The following ZNF438 variants were observed in gnomAD, a reference collection of about 807,000 sequenced individuals.
The protein encoded by ZNF438 is zinc finger protein 438.
A neutral mutation model predicts 38.0 loss-of-function variants in ZNF438; 25 were observed. The ratio of observed to expected loss-of-function variants is 0.66; its 90% confidence interval spans 0.48 to 0.92. ZNF438 has a LOEUF of 0.92. ZNF438 is among the 40% of genes least tolerant of loss of function. The probability of loss-of-function intolerance (pLI) is 0.00; values close to 1 mark genes in which losing one functional copy is unlikely to be tolerated. For synonymous variants in ZNF438, 372 were observed against 364.1 expected, an observed-to-expected ratio of 1.02 and a Z score of -0.25; for missense variants, 1,007 against 999.6, an observed-to-expected ratio of 1.01 and a Z score of -0.10.
intron 2 of ZNF438, among the ~76,000 whole-genome samples, chr10:30,923,004 A>G (rs1386045265): frequency 2.6e-5 from 4 of 152,180 alleles, no homozygotes; most frequent in Non-Finnish European, 5.9e-5. Context: ...AGTCTTAGTT[A>G]AGCCTTTTTG....
At chr10:30,964,313 C>G (rs899187079) in intron 1 of ZNF438, among the ~76,000 whole-genome samples, 1 of 152,204 alleles carries the variant, frequency 6.6e-6, no homozygotes, top group Admixed American at 6.5e-5. Flanking sequence ...TGATCACTCT[C>G]TAATTCAAGT....
chr10:30,875,529 T>A (rs2133619287), intron 4 of ZNF438: 1 of 985,436 alleles, frequency 1.0e-6, no homozygotes, highest in East Asian at 1.1e-4. Context: ...AAAAAGGTAA[T>A]ACCAGCTAGG....
chr10:30,850,260 T>C, exon 5 of ZNF438: 4 of 1,614,208 alleles, frequency 2.5e-6, no homozygotes, highest in Non-Finnish European at 3.4e-6. Context: ...GGCAGCATTC[T>C]GGACGTTAGG....
At chr10:30,985,717 A>G (rs754314559) in intron 1 of ZNF438, among the ~76,000 whole-genome samples, 1 of 152,206 alleles carries the variant, frequency 6.6e-6, no homozygotes, top group Non-Finnish European at 1.5e-5. Flanking sequence ...AAGTTCTATG[A>G]AGTCACCATG....
intron 1 of ZNF438, among the ~76,000 whole-genome samples, chr10:31,015,500 C>G (rs912008739): frequency 6.6e-6 from 1 of 151,880 alleles, no homozygotes; most frequent in African/African-American, 2.4e-5. Context: ...AAAAATTAGC[C>G]GGACGTAGTG....
At chr10:30,892,947 C>T (rs3006596) in intron 3 of ZNF438, among the ~76,000 whole-genome samples, 53,547 of 152,090 alleles carry the variant, frequency 0.35, 11,049 homozygotes, top group African/African-American at 0.57. Flanking sequence ...TTAGATTGTT[C>T]TTAGCCTTCT....
Position 30,872,749 on chromosome 10 carries a change from C to CAAAA in ZNF438, c.37+4245_37+4248dup, listed in dbSNP as rs10633045. Among the ~76,000 whole-genome samples, 690 of 88,850 alleles carry CAAAA rather than the reference C, an allele frequency of 7.8e-3. 21 individuals are homozygous for CAAAA. Among genetic ancestry groups the CAAAA allele is most frequent in the African/African-American group, 0.026 (609 of 23,438 alleles). The allele number at this position is 88,850 out of a possible 152,430, so 58.3% of individuals were successfully genotyped here. A position where few individuals can be genotyped will look rare whatever the true frequency, so the allele number is the denominator to read the frequency against. ...TGGGTGACAGAGTGAGACTCTGTCT[C>CAAAA]AAAAAAAAAAAAAAAAAAGAATTGA... On this transcript the variant is annotated intron_variant, in intron 4 of 5. Transcript: ENST00000413025.
chr10:30,967,527 G>C (rs1254910929), intron 1 of ZNF438, among the ~76,000 whole-genome samples: 1 of 152,166 alleles, frequency 6.6e-6, no homozygotes, highest in Non-Finnish European at 1.5e-5. Context: ...TATGGCAATA[G>C]GGTTTCATTC....
intron 1 of ZNF438, among the ~76,000 whole-genome samples, chr10:30,961,149 T>TAA (rs562859851): frequency 7.8e-6 from 1 of 127,640 alleles, no homozygotes; most frequent in African/African-American, 2.7e-5. Context: ...GCCTGTTTCT[T>TAA]AAAAAAAAAA....
chr10:30,954,934 T>C (rs1233564782), intron 1 of ZNF438, among the ~76,000 whole-genome samples: 3 of 152,100 alleles, frequency 2.0e-5, no homozygotes, highest in African/African-American at 7.2e-5. Context: ...GAGCAAAACC[T>C]CGAGCCAGGG....
intron 1 of ZNF438, among the ~76,000 whole-genome samples, chr10:30,951,141 C>G (rs2048140457): frequency 2.7e-5 from 4 of 150,070 alleles, no homozygotes; most frequent in African/African-American, 7.3e-5. Flanking sequence ...GAGCCAAAGA[C>G]AAAAACCACA....
intron 1 of ZNF438, among the ~76,000 whole-genome samples, chr10:31,031,387 T>C (rs547779354): frequency 2.0e-5 from 3 of 152,310 alleles, no homozygotes; most frequent in Admixed American, 6.5e-5. Flanking sequence ...CCACGATGAC[T>C]TGGTCACTTG....
At chr10:30,984,962 A>G (rs988994639) in intron 1 of ZNF438, among the ~76,000 whole-genome samples, 15 of 152,178 alleles carry the variant, frequency 9.9e-5, no homozygotes, top group African/African-American at 3.4e-4. Context: ...ATTTTTTTTA[A>G]TGATAGCATT....
intron 1 of ZNF438, among the ~76,000 whole-genome samples, chr10:30,973,571 C>A (rs4749649): frequency 0.4 from 60,941 of 152,026 alleles, 12,466 homozygotes; most frequent in Admixed American, 0.44. Context: ...ATTCATGATA[C>A]GTGTTTACTA....
intron 1 of ZNF438, among the ~76,000 whole-genome samples, chr10:30,978,815 T>C (rs900189326): frequency 2.6e-5 from 4 of 152,228 alleles, no homozygotes; most frequent in African/African-American, 9.6e-5. Context: ...ATTTTCAAAA[T>C]GGTAAATGAA....
At chr10:30,938,260 A>T (rs1318814771) in intron 2 of ZNF438, among the ~76,000 whole-genome samples, 1 of 151,402 alleles carries the variant, frequency 6.6e-6, no homozygotes, top group Non-Finnish European at 1.5e-5. Context: ...TCCAACCTGG[A>T]ATATCATTTC....
chr10:30,850,434 C>A, intron 4 of ZNF438, 67 bp from the exon 6 acceptor site: 1 of 1,522,340 alleles, frequency 6.6e-7, no homozygotes, highest in South Asian at 1.3e-5. Flanking sequence ...CTTCAAACAA[C>A]AAGCATCTTA....
At chr10:30,865,886 A>C (rs1402714252) in intron 4 of ZNF438, among the ~76,000 whole-genome samples, 1 of 152,228 alleles carries the variant, frequency 6.6e-6, no homozygotes, top group East Asian at 1.9e-4. Context: ...AGATTAGATT[A>C]GTGTTTCTCA....
At chr10:31,027,093 G>A (rs1319842732) in intron 1 of ZNF438, among the ~76,000 whole-genome samples, 5 of 150,820 alleles carry the variant, frequency 3.3e-5, no homozygotes. Context: ...TGCCTGTCGT[G>A]GGGTCGGGGG....
Sources: allele counts gnomAD v4.1 joint callset (sites outside exome capture counted in the v4.1 genomes callset), GRCh38; gene constraint gnomAD v4.1.1; transcripts MANE v1.5; gene names NCBI Gene and HGNC (gene_info 2026-07-23, HGNC 2026-07-21).